HDAC9: variants seen among roughly 807,000 people sequenced by gnomAD.
The protein encoded by HDAC9 is MEF-2 interacting transcription repressor (MITR) protein.
HDAC9 carries 41 observed loss-of-function variants against 139.4 expected under a neutral mutation model. The observed-to-expected ratio is 0.29, with a 90% CI of 0.23 to 0.38. The LOEUF is 0.38. Ranked by LOEUF, HDAC9 falls within the 10% of genes least tolerant of loss-of-function variation. The pLI, the probability that HDAC9 is intolerant of heterozygous loss-of-function variation, is 1.00. For missense variants in HDAC9, 1,147 were observed against 1,297.0 expected, an observed-to-expected ratio of 0.88 and a Z score of 1.78; for synonymous variants, 517 against 476.2, an observed-to-expected ratio of 1.09 and a Z score of -1.12.
chr7:18,901,207 CATATAT>C (rs3085465), intron 22 of HDAC9, among the ~76,000 whole-genome samples: 16 of 138,856 alleles, frequency 1.2e-4, no homozygotes, highest in African/African-American at 2.6e-4. Context: ...ACTATATATA[CATATAT>C]ATATATATAC....
At chr7:18,282,948 C>T (rs1052715578) in intron 2 of HDAC9, among the ~76,000 whole-genome samples, 9 of 114,070 alleles carry the variant, frequency 7.9e-5, no homozygotes, top group African/African-American at 2.9e-4. Context: ...AACTCTTTGA[C>T]CTTTTTCTGG....
intron 17 of HDAC9, among the ~76,000 whole-genome samples, chr7:18,817,571 T>G (rs1794666005): frequency 6.6e-6 from 1 of 152,230 alleles, no homozygotes; most frequent in African/African-American, 2.4e-5. Context: ...TCTGTACAAC[T>G]TAATATAAAA....
chr7:18,829,632 C>A, intron 19 of HDAC9, 84 bp downstream of exon 19: 1 of 838,174 alleles, frequency 1.2e-6, no homozygotes, highest in Non-Finnish European at 1.9e-6. Context: ...GGTTGTCTTG[C>A]TTTTAGCACT....
intron 1 of HDAC9, among the ~76,000 whole-genome samples, chr7:18,481,792 A>G (rs112347029): frequency 4.6e-5 from 7 of 152,314 alleles, no homozygotes; most frequent in African/African-American, 1.7e-4. Flanking sequence ...TACCTTTAGC[A>G]TATGGAGCTA....
At chr7:18,144,390 C>T (rs902320443) in intron 1 of HDAC9, among the ~76,000 whole-genome samples, 10 of 152,228 alleles carry the variant, frequency 6.6e-5, no homozygotes, top group Middle Eastern at 3.4e-3. Flanking sequence ...TTATCTTGGA[C>T]TTCCCCTTTC....
At chr7:18,202,514 T>C (rs1791207859) in intron 2 of HDAC9, among the ~76,000 whole-genome samples, 1 of 152,204 alleles carries the variant, frequency 6.6e-6, no homozygotes, top group African/African-American at 2.4e-5. Context: ...TTTACTGTTT[T>C]TATGCTTGCA....
At chr7:18,786,495 TTCC>T in intron 16 of HDAC9, among the ~76,000 whole-genome samples, 1 of 101,190 alleles carries the variant, frequency 9.9e-6, no homozygotes, top group Non-Finnish European at 2.3e-5. Context: ...TCTTCCTTCC[TTCC>T]TTCCTTCCTC....
intron 1 of HDAC9, among the ~76,000 whole-genome samples, chr7:18,404,600 A>G (rs190130150): frequency 1.3e-5 from 2 of 152,328 alleles, no homozygotes; most frequent in African/African-American, 4.8e-5. Context: ...TATACTATTA[A>G]TAGTTAAGCT....
intron 12 of HDAC9, among the ~76,000 whole-genome samples, chr7:18,692,313 T>C (rs552261722): frequency 6.6e-6 from 1 of 152,208 alleles, no homozygotes; most frequent in East Asian, 1.9e-4. Flanking sequence ...CGGAGTACTT[T>C]AGCAAACTGG....
chr7:18,343,417 G>C (rs1490860053), intron 1 of HDAC9, among the ~76,000 whole-genome samples: 2 of 151,800 alleles, frequency 1.3e-5, no homozygotes, highest in African/African-American at 2.4e-5. Flanking sequence ...ATATTTGACA[G>C]AGTTTAATGG....
At chr7:18,384,118 C>G (rs939548716) in intron 1 of HDAC9, among the ~76,000 whole-genome samples, 2 of 151,954 alleles carry the variant, frequency 1.3e-5, no homozygotes, top group African/African-American at 4.8e-5. Flanking sequence ...AAAGATGAAT[C>G]TAGGCAACAT....
rs369708624 is a variant in HDAC9 at position 18,585,382 on chromosome 7, C to T, written c.124C>T (p.Arg42Cys). The T allele has an allele frequency of 6.2e-6, 10 of 1,613,768 alleles. No individual in the cohort carries two copies. The highest frequency in any genetic ancestry group is 7.6e-6 in the Non-Finnish European group (9 of 1,179,888). Residue 42 changes from arginine to cysteine, a missense_variant, in exon 3 of 26, where the codon CGT (arginine) becomes TGT (cysteine). Physicochemically the swap from Arg to Cys is radical, Grantham distance 180. Around this residue, in one of 7 missense-constraint regions of HDAC9, gnomAD observed 136 missense variants for 183.5 expected, o/e 0.74. Coordinates refer to ENST00000686413, the MANE Select transcript of HDAC9 (RefSeq NM_178425.4). ...GATGCCCGTGGTGGACCCTGTTGTC[C>T]GTGAGAAGCAATTGCAGCAGGAATT... ...MMMPVVDPVV[R>C]EKQLQQELLL...
chr7:18,125,678 G>A (rs2128097601), intron 1 of HDAC9, among the ~76,000 whole-genome samples: 1 of 151,906 alleles, frequency 6.6e-6, no homozygotes, highest in African/African-American at 2.4e-5. Context: ...AATATTTTAG[G>A]CTTTGTGGGC....
At chr7:18,968,827 C>T (rs547533737) in intron 24 of HDAC9, among the ~76,000 whole-genome samples, 27 of 151,816 alleles carry the variant, frequency 1.8e-4, no homozygotes, top group Admixed American at 1.3e-4. Context: ...GGCGTGGTGG[C>T]GGGCGCCTGT....
chr7:18,730,557 C>A (rs1785956517), intron 13 of HDAC9, among the ~76,000 whole-genome samples: 1 of 152,172 alleles, frequency 6.6e-6, no homozygotes, highest in East Asian at 1.9e-4. Flanking sequence ...AGAATGCCTA[C>A]AACAGCCAGT....
At chr7:18,194,414 A>G (rs1790589107) in intron 2 of HDAC9, among the ~76,000 whole-genome samples, 2 of 152,278 alleles carry the variant, frequency 1.3e-5, no homozygotes, top group Admixed American at 6.5e-5. Context: ...TCATTTTAAC[A>G]TATTTTGAGT....
At chr7:18,522,137 G>A (rs933771613) in intron 2 of HDAC9, among the ~76,000 whole-genome samples, 3 of 152,136 alleles carry the variant, frequency 2.0e-5, no homozygotes, top group Non-Finnish European at 4.4e-5. Flanking sequence ...AATGTGTTAT[G>A]CATATATTAC....
intron 2 of HDAC9, among the ~76,000 whole-genome samples, chr7:18,207,403 TTTTA>T (rs1791601104): frequency 3.3e-5 from 5 of 152,000 alleles, no homozygotes; most frequent in African/African-American, 9.7e-5. Flanking sequence ...GATTCATTAT[TTTTA>T]TTTATTTATT....
At chr7:18,910,584 T>A (rs2129289074) in intron 22 of HDAC9, among the ~76,000 whole-genome samples, 1 of 152,162 alleles carries the variant, frequency 6.6e-6, no homozygotes, top group East Asian at 1.9e-4. Flanking sequence ...CTAGGTTGAA[T>A]AAGAATGGTG....
Sources: gnomAD v4.1 joint callset for allele counts (sites outside exome capture counted in the v4.1 genomes callset) on GRCh38, gnomAD v4.1.1 for gene constraint, gnomAD v4.1.1 regional missense constraint, MANE v1.5 for transcripts, NCBI Gene and HGNC (gene_info 2026-07-23, HGNC 2026-07-21) for gene names.